The following FRMD6 variants were observed in gnomAD, a reference collection of about 807,000 sequenced individuals.
The protein encoded by FRMD6 is FERM domain-containing protein 6.
In FRMD6, 37 loss-of-function variants were observed where a neutral mutation model predicts 73.2. The observed-to-expected ratio is 0.51, with a 90% CI of 0.39 to 0.66. FRMD6 has a LOEUF of 0.66. FRMD6 is among the 30% of genes least tolerant of loss of function. The pLI is 0.00. For missense variants in FRMD6, 714 were observed against 780.5 expected (o/e 0.91, Z 1.02); for synonymous variants, 273 against 282.2 (o/e 0.97, Z 0.33).
At chr14:51,466,278 A>G in the FRMD6 span, among the ~76,000 whole-genome samples, 1 of 152,108 alleles carries the variant, frequency 6.6e-6, no homozygotes, top group African/African-American at 2.4e-5. Flanking sequence ...GAGTTCATCC[A>G]TTTGTTTCTT....
intron 1 of FRMD6, among the ~76,000 whole-genome samples, chr14:51,685,481 A>G (rs1304291424): frequency 1.3e-5 from 2 of 152,230 alleles, no homozygotes; most frequent in African/African-American, 4.8e-5. Context: ...TACTCAGCAC[A>G]TACAGCAACA....
the FRMD6 span, among the ~76,000 whole-genome samples, chr14:51,440,083 T>C: frequency 1.1e-3 from 169 of 152,288 alleles, 5 homozygotes; most frequent in East Asian, 0.031. Flanking sequence ...TGTTAATTAG[T>C]GTAAACAAAA....
At chr14:51,589,976 G>C (rs1311885388) in intron 2 of FRMD6, among the ~76,000 whole-genome samples, 1 of 151,086 alleles carries the variant, frequency 6.6e-6, no homozygotes, top group Non-Finnish European at 1.5e-5. Context: ...GCTTAGGTAG[G>C]AGAATTGCTT....
chr14:51,547,935 C>T (rs188697737), intron 1 of FRMD6: 1 of 148,300 alleles, frequency 6.7e-6, no homozygotes, highest in East Asian at 2.0e-4. Context: ...GAACTAGAAA[C>T]TGTACCAACC....
chr14:51,502,161 T>G (rs1298481444), intron 1 of FRMD6, among the ~76,000 whole-genome samples: 2 of 152,216 alleles, frequency 1.3e-5, no homozygotes, highest in Admixed American at 1.3e-4. Flanking sequence ...CTGTTCACTC[T>G]GATTATAGTT....
At chr14:51,428,285 C>T in the FRMD6 span, among the ~76,000 whole-genome samples, 2 of 152,276 alleles carry the variant, frequency 1.3e-5, no homozygotes, top group Non-Finnish European at 2.9e-5. Context: ...CCACCCGACC[C>T]AATTAAATCA....
At chr14:51,692,495 T>TGTGTAC (rs10693094) in intron 2 of FRMD6, among the ~76,000 whole-genome samples, 1 of 149,584 alleles carries the variant, frequency 6.7e-6, no homozygotes, top group South Asian at 2.1e-4. Flanking sequence ...TGTGTGTGTG[T>TGTGTAC]ACACACACAA....
chr14:51,608,042 A>C (rs1890335033), intron 2 of FRMD6, among the ~76,000 whole-genome samples: 1 of 117,952 alleles, frequency 8.5e-6, no homozygotes, highest in Non-Finnish European at 2.1e-5. Flanking sequence ...AAACAGAAGA[A>C]AACCATTATT....
At chr14:51,539,377 C>G (rs560306279) in intron 1 of FRMD6, among the ~76,000 whole-genome samples, 1 of 152,192 alleles carries the variant, frequency 6.6e-6, no homozygotes, top group East Asian at 1.9e-4. Flanking sequence ...ATATTTTGAC[C>G]AATGTCTATT....
At chr14:51,518,126 T>C (rs1884736140) in intron 1 of FRMD6, among the ~76,000 whole-genome samples, 1 of 152,222 alleles carries the variant, frequency 6.6e-6, no homozygotes, top group Admixed American at 6.5e-5. Context: ...GGAGTCATGC[T>C]TCCAAGGCAC....
chr14:51,726,143 A>C (rs576647165), intron 13 of FRMD6, among the ~76,000 whole-genome samples: 1 of 152,282 alleles, frequency 6.6e-6, no homozygotes, highest in South Asian at 2.1e-4. Flanking sequence ...CAGGCGAACC[A>C]CGTGTGCACA....
At chr14:51,607,267 T>C (rs1372798604) in intron 2 of FRMD6, among the ~76,000 whole-genome samples, 1 of 152,136 alleles carries the variant, frequency 6.6e-6, no homozygotes, top group Non-Finnish European at 1.5e-5. Context: ...TCTTCATCCA[T>C]GTATGTGCAG....
At chr14:51,534,165 G>A (rs1885755223) in intron 1 of FRMD6, among the ~76,000 whole-genome samples, 2 of 152,184 alleles carry the variant, frequency 1.3e-5, no homozygotes, top group Non-Finnish European at 2.9e-5. Flanking sequence ...CATCCACATA[G>A]TTCAAACGGC....
the FRMD6 span, among the ~76,000 whole-genome samples, chr14:51,446,068 G>C: frequency 6.6e-6 from 1 of 152,190 alleles, no homozygotes; most frequent in African/African-American, 2.4e-5. Context: ...CAAGCTCAGG[G>C]TGACTGGCTG....
intron 2 of FRMD6, among the ~76,000 whole-genome samples, chr14:51,598,601 G>A (rs972213711): frequency 1.6e-4 from 25 of 152,124 alleles, no homozygotes; most frequent in African/African-American, 5.3e-4. Flanking sequence ...GTCTACTGCC[G>A]CCATCTTTAT....
intron 3 of FRMD6, 34 bp downstream of exon 3, chr14:51,698,266 C>T: frequency 7.0e-7 from 1 of 1,434,072 alleles, no homozygotes; most frequent in Non-Finnish European, 9.7e-7. Flanking sequence ...TGGATTTAGC[C>T]AACTATCCCT....
At chr14:51,467,523 C>T in the FRMD6 span, among the ~76,000 whole-genome samples, 7 of 152,190 alleles carry the variant, frequency 4.6e-5, no homozygotes, top group Admixed American at 3.3e-4. Context: ...AGGGGCTCCT[C>T]ACTTCCCAGA....
At chr14:51,611,469 A>C (rs1292106689) in intron 2 of FRMD6, among the ~76,000 whole-genome samples, 1 of 152,184 alleles carries the variant, frequency 6.6e-6, no homozygotes, top group African/African-American at 2.4e-5. Flanking sequence ...ATTCTGATTT[A>C]TTTAGTCTGG....
At chr14:51,575,598 T>C (rs1888356362) in intron 2 of FRMD6, 1 of 152,238 alleles carries the variant, frequency 6.6e-6, no homozygotes, top group South Asian at 2.1e-4. Context: ...ATAAATGTTT[T>C]CTTTTTGAAA....
Sources: gnomAD v4.1 joint callset for allele counts (sites outside exome capture counted in the v4.1 genomes callset) on GRCh38, gnomAD v4.1.1 for gene constraint, MANE v1.5 for transcripts, NCBI Gene and HGNC (gene_info 2026-07-23, HGNC 2026-07-21) for gene names.